The following CGNL1 variants were observed in gnomAD, a reference collection of about 807,000 sequenced individuals.
CGNL1 encodes cingulin like 1, also known as cingulin-like protein 1.
In CGNL1, 132 loss-of-function variants were observed where a neutral mutation model predicts 141.2. The ratio of observed to expected loss-of-function variants is 0.93; its 90% confidence interval spans 0.81 to 1.08. The LOEUF (loss-of-function observed/expected upper bound fraction) is 1.08, where lower values mean the gene tolerates loss of function less well. Among genes scored for constraint, CGNL1 ranks in the 50% least tolerant of loss-of-function variants. CGNL1 has a pLI of 0.00. For synonymous variants in CGNL1, 690 were observed against 622.1 expected (o/e 1.11, Z -1.63); for missense variants, 1,870 against 1,588.6 (o/e 1.18, Z -3.01).
intron 8 of CGNL1, among the ~76,000 whole-genome samples, chr15:57,493,958 C>G (rs1031389580): frequency 1.3e-5 from 2 of 152,230 alleles, no homozygotes; most frequent in Non-Finnish European, 2.9e-5. Flanking sequence ...AACCAGGCAT[C>G]TCTCCTAAAT....
At chr15:57,539,843 C>T (rs2032466397) in intron 14 of CGNL1, among the ~76,000 whole-genome samples, 1 of 152,206 alleles carries the variant, frequency 6.6e-6, no homozygotes, top group African/African-American at 2.4e-5. Flanking sequence ...TCTGTGGCTT[C>T]CACCGGCATC....
intron 4 of CGNL1, among the ~76,000 whole-genome samples, chr15:57,447,347 T>C (rs2063266909): frequency 6.6e-6 from 1 of 152,220 alleles, no homozygotes; most frequent in African/African-American, 2.4e-5. Context: ...CTAGTACTTT[T>C]CGTGGGCATT....
At chr15:57,533,456 C>T (rs768500519) in intron 14 of CGNL1, among the ~76,000 whole-genome samples, 37 of 152,306 alleles carry the variant, frequency 2.4e-4, no homozygotes, top group Non-Finnish European at 4.7e-4. Flanking sequence ...GACGTTCCCC[C>T]CAGACATGTC....
At chr15:57,518,312 G>A (rs1390319581) in intron 9 of CGNL1, 81 bp from the exon 10 acceptor site, 7 of 1,023,120 alleles carry the variant, frequency 6.8e-6, no homozygotes, top group African/African-American at 3.2e-5. Context: ...GGGTGTCTTC[G>A]GTGTTCATTT....
rs759215334 is a variant in CGNL1 at position 57,438,192 on chromosome 15, G to C, written c.193G>C (p.Ala65Pro). 11 of 1,613,924 alleles carry C rather than the reference G, an allele frequency of 6.8e-6. No individual in the cohort carries two copies. In the Admixed American group the frequency reaches 1.8e-4, roughly 27 times the overall value. ...IVLNNTERCLAGTSFSENGPP... is the reference protein window; with the variant it reads ...IVLNNTERCLPGTSFSENGPP... ...CCTGAATAACACAGAACGGTGCCTA[G>C]CAGGCACATCGTTTTCTGAAAATGG... is the stretch of plus-strand genomic sequence containing the variant. The change falls in exon 2 of 19, where the codon GCA becomes CCA. Residue 65 changes from alanine to proline, a missense_variant. Ala to Pro is a conservative substitution (Grantham distance 27, BLOSUM62 -1). Coordinates refer to ENST00000281282, the MANE Select transcript of CGNL1 (RefSeq NM_032866.5).
In CGNL1 at chr15:57,547,673, C is replaced by A; in HGVS notation, c.*183C>A. The A allele has an allele frequency of 1.6e-6, 1 of 615,688 alleles. No homozygotes were observed. Among genetic ancestry groups the A allele is most frequent in the South Asian group, 2.6e-5 (1 of 38,932 alleles). 38.1% of individuals were successfully genotyped at this position (615,688 alleles called of 1,614,324 possible). On this transcript the variant is annotated 3_prime_UTR_variant, in exon 19 of 19. Coordinates refer to ENST00000281282, the MANE Select transcript of CGNL1 (RefSeq NM_032866.5). ...CTCTCAGTGGGTCTTCGACAGAGAGCTTTTGCAGTTTAAAATGTTGGGATG... is the reference window on the plus strand; with the variant it reads ...CTCTCAGTGGGTCTTCGACAGAGAGATTTTGCAGTTTAAAATGTTGGGATG...
At chr15:57,460,799 G>T (rs1432227540) in intron 7 of CGNL1, among the ~76,000 whole-genome samples, 1 of 152,164 alleles carries the variant, frequency 6.6e-6, no homozygotes, top group Admixed American at 6.5e-5. Context: ...TGAGATTTGG[G>T]TGAGGACATA....
chr15:57,468,559 CGTGTGTGTGTGTGTGT>C (rs67758921), intron 8 of CGNL1, among the ~76,000 whole-genome samples: 15,795 of 145,920 alleles, frequency 0.11, 1,067 homozygotes, highest in Non-Finnish European at 0.16. Context: ...AAAAAGTTTG[CGTGTGTGTGTGTGTGT>C]GTGTGTGTGT....
At chr15:57,526,258 G>A (rs2031607728) in intron 12 of CGNL1, among the ~76,000 whole-genome samples, 1 of 152,058 alleles carries the variant, frequency 6.6e-6, no homozygotes, top group African/African-American at 2.4e-5. Context: ...AGCCCTGTGA[G>A]ACACTGTTTC....
At chr15:57,450,556 A>G (rs1046060720) in intron 4 of CGNL1, among the ~76,000 whole-genome samples, 1 of 152,168 alleles carries the variant, frequency 6.6e-6, no homozygotes, top group African/African-American at 2.4e-5. Flanking sequence ...GGATTACTGC[A>G]TGAGCCGCCC....
At chr15:57,531,429 G>A (rs1436302914) in intron 13 of CGNL1, among the ~76,000 whole-genome samples, 1 of 152,154 alleles carries the variant, frequency 6.6e-6, no homozygotes, top group Non-Finnish European at 1.5e-5. Context: ...TTGCATTAGG[G>A]TTTGGGATAA....
chr15:57,387,095 T>G (rs923648697), intron 1 of CGNL1, among the ~76,000 whole-genome samples: 1 of 152,046 alleles, frequency 6.6e-6, no homozygotes, highest in Non-Finnish European at 1.5e-5. Flanking sequence ...GTTCCTCCCT[T>G]CCCCCAGCCA....
chr15:57,492,687 G>C (rs1452196429), intron 8 of CGNL1, among the ~76,000 whole-genome samples: 1 of 99,548 alleles, frequency 1.0e-5, no homozygotes, highest in Non-Finnish European at 2.1e-5. Context: ...CATGACTTTT[G>C]TTGTCCATAA....
chr15:57,420,968 A>G (rs1447824484), intron 1 of CGNL1, among the ~76,000 whole-genome samples: 1 of 152,216 alleles, frequency 6.6e-6, no homozygotes, highest in African/African-American at 2.4e-5. Context: ...CACAAAATTC[A>G]TATTAGAGGT....
chr15:57,421,847 C>A (rs1313672628), intron 1 of CGNL1, among the ~76,000 whole-genome samples: 1 of 152,064 alleles, frequency 6.6e-6, no homozygotes, highest in Non-Finnish European at 1.5e-5. Context: ...TGCCTGAGAT[C>A]ATGAATATGG....
At chr15:57,539,093 G>A (rs565412643) in intron 14 of CGNL1, among the ~76,000 whole-genome samples, 14 of 152,214 alleles carry the variant, frequency 9.2e-5, no homozygotes, top group East Asian at 5.8e-4. Flanking sequence ...TCTCCTGGCC[G>A]GGAGCACAGC....
chr15:57,515,294 G>A (rs1421190644), intron 8 of CGNL1, among the ~76,000 whole-genome samples: 1 of 152,168 alleles, frequency 6.6e-6, no homozygotes, highest in Non-Finnish European at 1.5e-5. Context: ...TTTCTCTGTT[G>A]TATAGAATTA....
intron 3 of CGNL1, among the ~76,000 whole-genome samples, chr15:57,440,760 T>A (rs1431118357): frequency 6.6e-6 from 1 of 151,908 alleles, no homozygotes; most frequent in African/African-American, 2.4e-5. Context: ...ATAGGAGGAG[T>A]TTCTACTCTT....
chr15:57,414,912 C>T (rs2062831745), intron 1 of CGNL1, among the ~76,000 whole-genome samples: 1 of 152,202 alleles, frequency 6.6e-6, no homozygotes, highest in African/African-American at 2.4e-5. Context: ...GTTAAGGACA[C>T]AGGCTTTGGG....
Sources: allele counts gnomAD v4.1 joint callset (sites outside exome capture counted in the v4.1 genomes callset), GRCh38; gene constraint gnomAD v4.1.1; transcripts MANE v1.5; gene names NCBI Gene and HGNC (gene_info 2026-07-23, HGNC 2026-07-21).